The following SCNN1G variants were observed in gnomAD, a reference collection of about 807,000 sequenced individuals.
SCNN1G encodes epithelial sodium channel subunit gamma.
SCNN1G carries 27 observed loss-of-function variants against 64.6 expected under a neutral mutation model. That is an observed-to-expected ratio of 0.42 (90% CI 0.31 to 0.58). The LOEUF (loss-of-function observed/expected upper bound fraction) is 0.58, where lower values mean the gene tolerates loss of function less well. Among genes scored for constraint, SCNN1G ranks in the 20% least tolerant of loss-of-function variants. The pLI is 0.18. For missense variants in SCNN1G, 743 were observed against 823.4 expected (o/e 0.90, Z 1.19); for synonymous variants, 330 against 314.2 (o/e 1.05, Z -0.53).
At chr16:23,199,761 T>C (rs187608369) in intron 6 of SCNN1G, among the ~76,000 whole-genome samples, 1 of 132,980 alleles carries the variant, frequency 7.5e-6, no homozygotes. Flanking sequence ...AAGCTCCACA[T>C]CCCAGGTTCA....
intron 6 of SCNN1G, among the ~76,000 whole-genome samples, chr16:23,199,530 A>G (rs1959850691): frequency 6.6e-6 from 1 of 152,194 alleles, no homozygotes; most frequent in Non-Finnish European, 1.5e-5. Context: ...ATATGAGAGT[A>G]GCTATTTCCC....
At chr16:23,212,594 C>T (rs1007217937) in intron 8 of SCNN1G, 84 bp from the exon 9 acceptor site, 34 of 991,408 alleles carry the variant, frequency 3.4e-5, no homozygotes, top group Non-Finnish European at 4.7e-5. Context: ...AATGAGACTG[C>T]GGGGCTGTCC....
rs190517828 is a variant in SCNN1G at position 23,208,063 on chromosome 16, C to T, written c.1078-1687C>T. 8.5e-3 allele frequency among the ~76,000 whole-genome samples: 1,298 copies of T among 152,326 alleles called. 11 individuals are homozygous for T. The highest frequency in any genetic ancestry group is 0.013 in the Non-Finnish European group (885 of 68,036). ...AATAAACTGGTCACTATTTATCTTC[C>T]ATTGAGTTGCTGACCTTAGAAGATG... On this transcript the variant is annotated intron_variant, in intron 6 of 12. Transcript: ENST00000300061.
chr16:23,189,753 C>T, intron 3 of SCNN1G, 82 bp downstream of exon 3: 1 of 1,285,888 alleles, frequency 7.8e-7, no homozygotes, highest in Non-Finnish European at 1.1e-6. Flanking sequence ...TGACCACTAG[C>T]CCCTGTGGTC....
At chr16:23,197,812 G>A (rs1011739144) in intron 6 of SCNN1G, among the ~76,000 whole-genome samples, 1 of 151,824 alleles carries the variant, frequency 6.6e-6, no homozygotes, top group South Asian at 2.1e-4. Context: ...CCCAGGAGGA[G>A]GAGGTTGCAG....
In SCNN1G at chr16:23,197,281, T is replaced by C. The variant is rs1959810467; in HGVS notation, c.931T>C (p.Tyr311His). ...GSEYGLQVIL[Y>H]INEEEYNPFL... is the part of the protein sequence containing the mutation. ...CCTCCCAGGGCTGCAAGTCATTTTGTACATAAACGAAGAGGAATACAACCC... is the reference window on the plus strand; with the variant it reads ...CCTCCCAGGGCTGCAAGTCATTTTGCACATAAACGAAGAGGAATACAACCC... Residue 311 changes from tyrosine to histidine, a missense_variant, in exon 6 of 13, where the codon TAC becomes CAC. Tyr to His is a moderately conservative substitution (Grantham distance 83, BLOSUM62 2). Coordinates refer to ENST00000300061, the MANE Select transcript of SCNN1G (RefSeq NM_001039.4). 1.2e-6 allele frequency: 2 copies of C among 1,613,808 alleles called. No homozygotes were observed. Among genetic ancestry groups the C allele is most frequent in the African/African-American group, 1.3e-5 (1 of 74,912 alleles).
intron 6 of SCNN1G, among the ~76,000 whole-genome samples, chr16:23,208,596 C>T (rs1054156747): frequency 1.3e-5 from 2 of 151,258 alleles, no homozygotes; most frequent in Non-Finnish European, 3.0e-5. Flanking sequence ...CCTTCCCTTC[C>T]CTTCCCTTCC....
chr16:23,186,630 C>G, intron 2 of SCNN1G, 42 bp downstream of exon 2: 2 of 1,561,614 alleles, frequency 1.3e-6, no homozygotes, highest in Non-Finnish European at 1.8e-6. Context: ...GGAGCCAGGC[C>G]CCCCACAGAG....
At chr16:23,200,617 C>T (rs1378760456) in intron 6 of SCNN1G, among the ~76,000 whole-genome samples, 1 of 152,134 alleles carries the variant, frequency 6.6e-6, no homozygotes, top group Non-Finnish European at 1.5e-5. Context: ...CCGTCCCTGT[C>T]CTGAGAGAGT....
intron 6 of SCNN1G, among the ~76,000 whole-genome samples, chr16:23,207,672 A>C (rs1035943512): frequency 1.3e-5 from 2 of 152,228 alleles, no homozygotes. Context: ...CCTGGGAAAG[A>C]GGGGAGGCCA....
At chr16:23,187,786 G>A (rs1959638227) in intron 2 of SCNN1G, among the ~76,000 whole-genome samples, 1 of 152,218 alleles carries the variant, frequency 6.6e-6, no homozygotes, top group African/African-American at 2.4e-5. Context: ...TGGGTCATCA[G>A]AGTCCTTCTC....
At chr16:23,190,899 A>G (rs1232633291) in intron 3 of SCNN1G, among the ~76,000 whole-genome samples, 1 of 120,190 alleles carries the variant, frequency 8.3e-6, no homozygotes, top group Non-Finnish European at 1.6e-5. Flanking sequence ...GCTGGAGTGC[A>G]GTGGTGTGAT....
At chr16:23,197,237 T>C (rs1171010371) in intron 5 of SCNN1G, 27 bp from the exon 6 acceptor site, 2 of 1,607,738 alleles carry the variant, frequency 1.2e-6, no homozygotes, top group Non-Finnish European at 8.5e-7. Flanking sequence ...TAGCCTTGGA[T>C]CACAGCAGGT....
intron 2 of SCNN1G, 26 bp downstream of exon 2, chr16:23,186,614 G>A (rs564819217): frequency 1.3e-6 from 2 of 1,598,118 alleles, no homozygotes; most frequent in Non-Finnish European, 1.7e-6. Flanking sequence ...AGGGAAACGC[G>A]AGTAGGGAGC....
chr16:23,208,792 C>T (rs1033867104), intron 6 of SCNN1G, among the ~76,000 whole-genome samples: 1 of 151,264 alleles, frequency 6.6e-6, no homozygotes, highest in African/African-American at 2.4e-5. Flanking sequence ...CGCTGGATTG[C>T]AGTGGCACAA....
At chr16:23,195,924 C>G (rs1359856442) in intron 5 of SCNN1G, 1 of 152,208 alleles carries the variant, frequency 6.6e-6, no homozygotes, top group East Asian at 1.9e-4. Flanking sequence ...CATCCACTTA[C>G]CAAGCATGGA....
rs2141947337 is a variant in SCNN1G at position 23,216,304 on chromosome 16, GTC to G, written c.*837_*838del. 1 of 152,520 alleles carries G rather than the reference GTC, an allele frequency of 6.6e-6. No homozygotes were observed. The highest frequency in any genetic ancestry group is 2.1e-4 in the South Asian group (1 of 4,820). 9.4% of individuals were successfully genotyped at this position (152,520 alleles called of 1,614,324 possible). ...GTGTCTGTGCCTTTTAAAGGGTGAGGTCTGTGTCACTTTGGGTGGGGAGGGGG... is the reference window on the plus strand; with the variant it reads ...GTGTCTGTGCCTTTTAAAGGGTGAGGTGTGTCACTTTGGGTGGGGAGGGGG... On this transcript the variant is annotated 3_prime_UTR_variant, in exon 13 of 13. Transcript: ENST00000300061.
chr16:23,193,771 G>C (rs1401059264), intron 4 of SCNN1G, among the ~76,000 whole-genome samples: 1 of 151,034 alleles, frequency 6.6e-6, no homozygotes, highest in Non-Finnish European at 1.5e-5. Flanking sequence ...GTCTCCCTAA[G>C]AGTTGGGTTC....
At chr16:23,195,135 T>C (rs548241500) in intron 5 of SCNN1G, 17 of 152,220 alleles carry the variant, frequency 1.1e-4, no homozygotes, top group Non-Finnish European at 2.2e-4. Flanking sequence ...TTAATTAAAG[T>C]CCTATCTCAA....
Sources: gnomAD v4.1 joint callset for allele counts (sites outside exome capture counted in the v4.1 genomes callset) on GRCh38, gnomAD v4.1.1 for gene constraint, MANE v1.5 for transcripts, NCBI Gene and HGNC (gene_info 2026-07-23, HGNC 2026-07-21) for gene names.